Variants in MBP observed in about 807,000 individuals in gnomAD.
MBP encodes myelin basic protein.
In MBP, 16 loss-of-function variants were observed where a neutral mutation model predicts 35.8. The observed-to-expected ratio is 0.45, with a 90% CI of 0.30 to 0.68. The LOEUF (loss-of-function observed/expected upper bound fraction) is 0.68, where lower values mean the gene tolerates loss of function less well. MBP is among the 30% of genes least tolerant of loss of function. The probability of loss-of-function intolerance (pLI) is 0.08; values close to 1 mark genes in which losing one functional copy is unlikely to be tolerated. For missense variants in MBP, 380 were observed against 404.7 expected, an observed-to-expected ratio of 0.94 and a Z score of 0.52; for synonymous variants, 143 against 159.6, an observed-to-expected ratio of 0.90 and a Z score of 0.78.
At position 77,084,431 on chromosome 18, in the gene MBP, C is replaced by CACACACACACACACACACA. The variant is rs60600826; in HGVS notation, c.52-18047_52-18046insTGTGTGTGTGTGTGTGTGT. 9.0e-3 allele frequency among the ~76,000 whole-genome samples: 954 copies of CACACACACACACACACACA among 105,936 alleles called. 28 individuals carry two copies. Among genetic ancestry groups the CACACACACACACACACACA allele is most frequent in the Middle Eastern group, 0.02 (4 of 196 alleles). 69.5% of individuals were successfully genotyped at this position (105,936 alleles called of 152,430 possible). A position where few individuals can be genotyped will look rare whatever the true frequency, so the allele number is the denominator to read the frequency against. ...ACACCGCCCCCCCCGCCACACCACA[C>CACACACACACACACACACA]CACACACACACACACACACACACAC... On this transcript the variant is annotated intron_variant, in intron 2 of 8. Transcript: ENST00000355994.
chr18:77,130,678 G>A (rs1225989676), intron 1 of MBP, among the ~76,000 whole-genome samples: 3 of 148,464 alleles, frequency 2.0e-5, no homozygotes, highest in Middle Eastern at 3.4e-3. Context: ...AGAAAGTTTG[G>A]TCTCTTGTTT....
At chr18:77,026,010 C>T (rs552698534) in intron 3 of MBP, among the ~76,000 whole-genome samples, 1 of 152,374 alleles carries the variant, frequency 6.6e-6, no homozygotes, top group Admixed American at 6.5e-5. Context: ...GCTGTGCTCC[C>T]AGCCTGTGCC....
chr18:77,009,969 G>A (rs372241962), intron 4 of MBP: 23 of 1,413,472 alleles, frequency 1.6e-5, no homozygotes, highest in Admixed American at 2.0e-5. Context: ...CCGGGTGGGC[G>A]CCGCCGGCAA....
chr18:77,129,796 G>A (rs867094105), intron 1 of MBP, among the ~76,000 whole-genome samples: 2 of 152,136 alleles, frequency 1.3e-5, no homozygotes, highest in South Asian at 2.1e-4. Flanking sequence ...TTGGGAGGCC[G>A]AGGTGGGTGG....
At chr18:77,013,929 T>A (rs1319639061) in intron 4 of MBP, 4 of 985,306 alleles carry the variant, frequency 4.1e-6, no homozygotes, top group African/African-American at 3.5e-5. Flanking sequence ...TGGCCTCAGA[T>A]ATGAGCACTG....
intron 4 of MBP, among the ~76,000 whole-genome samples, chr18:77,001,121 C>A (rs1970607369): frequency 6.6e-6 from 1 of 152,080 alleles, no homozygotes; most frequent in African/African-American, 2.4e-5. Flanking sequence ...CCCTGCCCAC[C>A]CGGTCCCCAC....
intron 4 of MBP, among the ~76,000 whole-genome samples, chr18:76,994,253 C>G (rs1315974181): frequency 2.6e-5 from 4 of 152,228 alleles, no homozygotes; most frequent in Non-Finnish European, 5.9e-5. Context: ...CCAGGGCAAG[C>G]CACACCGCCT....
intron 8 of MBP, 195 bp from the exon 9 acceptor site, chr18:76,980,666 T>C (rs564077793): frequency 1.5e-4 from 87 of 582,260 alleles, no homozygotes; most frequent in Admixed American, 2.7e-4. Context: ...TAATTGAATT[T>C]CCAGTTCTGT....
At position 77,121,533 on chromosome 18, in the gene MBP, C is replaced by G. The variant is rs770499542; in HGVS notation, c.-26+11047G>C. Reference sequence around the variant, plus strand: ...CCCTGCATACACCCATTTTCAACCACTAGTCTGAAATGAATAAGGTGAGCT... The same window carrying G: ...CCCTGCATACACCCATTTTCAACCAGTAGTCTGAAATGAATAAGGTGAGCT... On this transcript the variant is annotated intron_variant, in intron 1 of 8. Coordinates refer to ENST00000355994, the MANE Select transcript of MBP (RefSeq NM_001025101.2). Among the ~76,000 whole-genome samples the G allele has an allele frequency of 1.2e-3, 180 of 152,162 alleles. 1 individual carries two copies. Among genetic ancestry groups the G allele is most frequent in the Non-Finnish European group, 1.4e-3 (98 of 68,038 alleles).
intron 3 of MBP, among the ~76,000 whole-genome samples, chr18:77,021,774 T>A (rs557873471): frequency 1.8e-4 from 28 of 152,340 alleles, no homozygotes; most frequent in African/African-American, 6.7e-4. Context: ...TGAGCCACCG[T>A]GCCCAGCCTC....
chr18:77,068,417 G>C (rs1203837083), intron 2 of MBP, among the ~76,000 whole-genome samples: 1 of 147,364 alleles, frequency 6.8e-6, no homozygotes, highest in Non-Finnish European at 1.5e-5. Flanking sequence ...AGTCCCGTCT[G>C]CTTTAACCTT....
chr18:77,001,137 TGGTCCCCGCCCACCG>T (rs1427817594), intron 4 of MBP, among the ~76,000 whole-genome samples: 6 of 151,616 alleles, frequency 4.0e-5, no homozygotes, highest in South Asian at 2.1e-4. Context: ...CCCACTCACC[TGGTCCCCGCCCACCG>T]GGTCCCCGCC....
chr18:76,984,937 TGGGCACGCTGCTTGA>T (rs766505541), intron 7 of MBP, 43 bp from the exon 8 acceptor site: 1 of 1,606,864 alleles, frequency 6.2e-7, no homozygotes, highest in South Asian at 1.1e-5. Context: ...CCCGCGGTGC[TGGGCACGCTGCTTGA>T]GCCACTGGGA....
upstream of MBP, among the ~76,000 whole-genome samples, chr18:77,133,079 T>A (rs1247119177): frequency 8.6e-5 from 13 of 151,684 alleles, no homozygotes; most frequent in Non-Finnish European, 1.3e-4. Context: ...TTCGGAGGCT[T>A]GGCCTCCGAA....
chr18:77,010,214 T>G, intron 4 of MBP: 1 of 464,902 alleles, frequency 2.2e-6, no homozygotes, highest in Non-Finnish European at 3.9e-6. Flanking sequence ...AATTCTCTCC[T>G]CCAAAGTCTA....
At chr18:77,121,248 G>T (rs1976875859) in intron 1 of MBP, among the ~76,000 whole-genome samples, 2 of 151,962 alleles carry the variant, frequency 1.3e-5, no homozygotes, top group African/African-American at 2.4e-5. Flanking sequence ...AGATTGAGGG[G>T]TCAGTGAGCT....
chr18:76,989,856 C>T lies in MBP; in HGVS notation c.681+100G>A, dbSNP rs1181133122. 3.6e-5 allele frequency: 37 copies of T among 1,027,094 alleles called. No homozygotes were observed. The highest frequency in any genetic ancestry group is 5.2e-5 in the Non-Finnish European group (35 of 667,884). 63.6% of individuals were successfully genotyped at this position (1,027,094 alleles called of 1,614,324 possible). A position where few individuals can be genotyped will look rare whatever the true frequency, so the allele number is the denominator to read the frequency against. ...CCTCACCCTGATGATGACCCCGGTG[C>T]CACCCCCGAGCGTACGAACGTCCTG... is the stretch of plus-strand genomic sequence containing the variant. On this transcript the variant is annotated intron_variant, in intron 5 of 8. Transcript: ENST00000355994. This position sits in a 1 kb window ranked among gnomAD's most constrained non-coding sequence, Gnocchi z 4.0.
At chr18:77,009,432 G>C (rs1231090257) in intron 4 of MBP, among the ~76,000 whole-genome samples, 1 of 152,230 alleles carries the variant, frequency 6.6e-6, no homozygotes, top group Non-Finnish European at 1.5e-5. Context: ...CTAAATGTCT[G>C]CTAGGCACTA....
chr18:77,075,853 T>C (rs1262061956), intron 2 of MBP, among the ~76,000 whole-genome samples: 9 of 152,204 alleles, frequency 5.9e-5, no homozygotes, highest in East Asian at 1.9e-4. Flanking sequence ...CTAGGCATTA[T>C]ACTATTAGGC....
Sources: gnomAD v4.1 joint callset for allele counts (sites outside exome capture counted in the v4.1 genomes callset) on GRCh38, gnomAD v4.1.1 for gene constraint, Gnocchi (gnomAD v3.1) non-coding constraint, MANE v1.5 for transcripts, NCBI Gene and HGNC (gene_info 2026-07-23, HGNC 2026-07-21) for gene names.